SVOPL: variants seen among roughly 807,000 people sequenced by gnomAD.
SVOPL encodes the protein SVOP like.
A neutral mutation model predicts 61.0 loss-of-function variants in SVOPL; 60 were observed. That is an observed-to-expected ratio of 0.98 (90% CI 0.80 to 1.22). The LOEUF is 1.22. SVOPL is among the 50% of genes most tolerant of loss of function. SVOPL has a pLI of 0.00. For synonymous variants in SVOPL, 279 were observed against 250.0 expected (o/e 1.12, Z -1.09); for missense variants, 662 against 643.9 (o/e 1.03, Z -0.30).
At position 138,596,451 on chromosome 7, in the gene SVOPL, G is replaced by A. The variant is rs775097536; in HGVS notation, c.1433C>T (p.Thr478Ile). 17 of 1,613,876 alleles carry A rather than the reference G, an allele frequency of 1.1e-5. No homozygotes were observed. In the East Asian group the frequency reaches 3.1e-4, roughly 30 times the overall value. The change falls in exon 15 of 16, where the codon ACT (threonine) becomes ATT (isoleucine). Residue 478 changes from threonine (T) to isoleucine (I), a missense_variant. By Grantham distance (89) the Thr-to-Ile change is moderately conservative. Transcript: ENST00000674285. Reference protein sequence around the residue: ...VCVVCAISAFTLPIETKGRAL... With the variant: ...VCVVCAISAFILPIETKGRAL... Reference sequence around the variant, plus strand: ...CCGTCCTTTGGTTTCGATGGGGAGAGTGAATGCAGAAATGGCGCATACAAC... The same window carrying A: ...CCGTCCTTTGGTTTCGATGGGGAGAATGAATGCAGAAATGGCGCATACAAC...
At chr7:138,651,705 C>T (rs191573683) in intron 7 of SVOPL, among the ~76,000 whole-genome samples, 6 of 152,234 alleles carry the variant, frequency 3.9e-5, no homozygotes, top group African/African-American at 1.4e-4. Context: ...TGTTTGGGGG[C>T]ACCGCAAACT....
chr7:138,629,237 A>ATT (rs34587301), intron 10 of SVOPL, among the ~76,000 whole-genome samples: 14,212 of 140,052 alleles, frequency 0.1, 1,286 homozygotes, highest in African/African-American at 0.24. Flanking sequence ...GCTCTTCATG[A>ATT]TTTTTTTTTT....
Position 138,679,142 on chromosome 7 carries a change from G to A in SVOPL, c.-34-63C>T. 4.4e-6 allele frequency: 5 copies of A among 1,148,400 alleles called. No homozygotes were observed. In the South Asian group the frequency reaches 7.3e-5, roughly 17 times the overall value. The allele number at this position is 1,148,400 out of a possible 1,614,324, so 71.1% of individuals were successfully genotyped here. A position where few individuals can be genotyped will look rare whatever the true frequency, so the allele number is the denominator to read the frequency against. ...AATGGTTATTGGATAGTTAGTATAT[G>A]CCAGGCACACTACACACAAAATTTC... On this transcript the variant is annotated intron_variant, in intron 1 of 15. Transcript: ENST00000674285.
intron 14 of SVOPL, among the ~76,000 whole-genome samples, chr7:138,611,705 A>T: frequency 1.7e-5 from 1 of 58,818 alleles, no homozygotes; most frequent in African/African-American, 4.1e-5. Flanking sequence ...TTGAAAGATA[A>T]GACTTTGGTT....
In SVOPL at chr7:138,628,292, C is replaced by A. The variant is rs775174065; in HGVS notation, c.935G>T (p.Cys312Phe). The A allele has an allele frequency of 1.2e-6, 2 of 1,614,200 alleles. No individual in the cohort carries two copies. The highest frequency in any genetic ancestry group is 1.7e-6 in the Non-Finnish European group (2 of 1,180,042). Residue 312 changes from cysteine (C) to phenylalanine (F), a missense_variant, in exon 11 of 16, where the codon TGT (cysteine) becomes TTT (phenylalanine). Cys to Phe is a radical substitution (Grantham distance 205). Coordinates refer to ENST00000674285, the MANE Select transcript of SVOPL (RefSeq NM_001139456.2). Reference sequence around the variant, plus strand: ...CACCGCAGAGTCTGACTTTGAACCACAGACCAAGTCCCGCTCCAGCAGCTC... The same window carrying A: ...CACCGCAGAGTCTGACTTTGAACCAAAGACCAAGTCCCGCTCCAGCAGCTC... The part of the protein sequence containing the change: ...SAELLERDLV[C>F]GSKSDSAVVV...
intron 8 of SVOPL, 108 bp downstream of exon 8, chr7:138,648,904 A>G: frequency 2.0e-6 from 3 of 1,520,116 alleles, no homozygotes; most frequent in Non-Finnish European, 2.7e-6. Context: ...CCTGGACAAC[A>G]AAGAGAGACT....
Position 138,672,019 on chromosome 7 carries a change from C to A in SVOPL, c.273G>T (p.Thr91=), listed in dbSNP as rs371114667. 4.5e-6 allele frequency: 7 copies of A among 1,551,544 alleles called. No individual in the cohort carries two copies. The highest frequency in any genetic ancestry group is 5.2e-6 in the Non-Finnish European group (6 of 1,146,902). The part of the protein sequence containing the change: ...LENWQVALVT[T]MVFFGYMVFS... ...CACGGCACAGGGAGCAGGTACTTAC[C>A]GTGGTTACTAATGCCACCTGCCAAT... is the stretch of plus-strand genomic sequence containing the variant. The change falls in exon 4 of 16, where the codon ACG becomes ACT. Residue 91 remains threonine (T), a splice_region_variant and synonymous_variant. Transcript: ENST00000674285.
At chr7:138,628,746 C>T (rs976982963) in intron 10 of SVOPL, among the ~76,000 whole-genome samples, 43 of 152,122 alleles carry the variant, frequency 2.8e-4, no homozygotes, top group African/African-American at 4.8e-5. Context: ...CATGGACTGG[C>T]GGATTTGTAA....
At position 138,613,983 on chromosome 7, in the gene SVOPL, T is replaced by G. The variant is rs578223689; in HGVS notation, c.1353+7063A>C. Among the ~76,000 whole-genome samples the G allele has an allele frequency of 3.7e-4, 56 of 152,350 alleles. 2 individuals are homozygous for G. The South Asian group carries it at 6.8e-3, about 19-fold the overall frequency. ...TCCAGCACACCACTGGCACCTCATC[T>G]GGCTTATTGATTACTGCAAATAAAT... On this transcript the variant is annotated intron_variant, in intron 14 of 15. Transcript: ENST00000674285.
intron 14 of SVOPL, among the ~76,000 whole-genome samples, chr7:138,611,524 T>C (rs972460212): frequency 6.6e-6 from 1 of 152,218 alleles, no homozygotes; most frequent in Admixed American, 6.5e-5. Context: ...TGGAAATCAC[T>C]TCTGAAAAAA....
At chr7:138,622,316 A>ATGTATCTATCTATCTATCTAT (rs1799706772) in intron 13 of SVOPL, among the ~76,000 whole-genome samples, 1 of 149,622 alleles carries the variant, frequency 6.7e-6, no homozygotes, top group Non-Finnish European at 1.5e-5. Flanking sequence ...CTATCTATCG[A>ATGTATCTATCTATCTATCTAT]CAGAGTCTCA....
intron 4 of SVOPL, among the ~76,000 whole-genome samples, chr7:138,669,817 TTG>T (rs1584859153): frequency 1.3e-5 from 2 of 152,328 alleles, no homozygotes; most frequent in East Asian, 3.9e-4. Flanking sequence ...AAATAAAATT[TTG>T]TATGCCTTTT....
At chr7:138,662,899 C>A in intron 5 of SVOPL, 175 bp downstream of exon 5, 1 of 1,442,632 alleles carries the variant, frequency 6.9e-7, no homozygotes, top group Non-Finnish European at 9.1e-7. Flanking sequence ...CACAGGTACC[C>A]TGAGAAAAAT....
intron 1 of SVOPL, among the ~76,000 whole-genome samples, chr7:138,697,139 G>A (rs987677487): frequency 4.6e-5 from 7 of 152,114 alleles, no homozygotes; most frequent in Non-Finnish European, 1.0e-4. Context: ...GGGATGCCAC[G>A]GTGGAAGGAT....
At chr7:138,657,390 C>T (rs1801799350) in intron 6 of SVOPL, among the ~76,000 whole-genome samples, 1 of 151,950 alleles carries the variant, frequency 6.6e-6, no homozygotes, top group Admixed American at 6.6e-5. Flanking sequence ...AACTGTTGCA[C>T]CTTGGTTTCC....
intron 8 of SVOPL, chr7:138,645,543 T>A (rs1027817633): frequency 2.6e-5 from 4 of 152,852 alleles, no homozygotes; most frequent in African/African-American, 9.7e-5. Context: ...TCTTGCCTCA[T>A]GCCCAGCCTC....
At chr7:138,618,859 A>C (rs1799423616) in intron 14 of SVOPL, among the ~76,000 whole-genome samples, 1 of 152,220 alleles carries the variant, frequency 6.6e-6, no homozygotes, top group Non-Finnish European at 1.5e-5. Flanking sequence ...AGAAAAATAT[A>C]ACTGAGAATT....
chr7:138,678,719 C>G (rs1291447272), intron 2 of SVOPL, among the ~76,000 whole-genome samples, 194 bp from the exon 3 acceptor site: 1 of 152,118 alleles, frequency 6.6e-6, no homozygotes, highest in African/African-American at 2.4e-5. Flanking sequence ...TACACACACC[C>G]ACTGCCACAC....
chr7:138,624,930 G>A (rs1272533466), intron 13 of SVOPL: 1 of 152,038 alleles, frequency 6.6e-6, no homozygotes, highest in Non-Finnish European at 1.5e-5. Context: ...TTGAACTCCT[G>A]GCTTCAGGTG....
Sources: allele counts gnomAD v4.1 joint callset (sites outside exome capture counted in the v4.1 genomes callset), GRCh38; gene constraint gnomAD v4.1.1; transcripts MANE v1.5; gene names NCBI Gene and HGNC (gene_info 2026-07-23, HGNC 2026-07-21).